Variants in SLC14A2 observed in about 807,000 individuals in gnomAD.
SLC14A2 encodes solute carrier family 14 member 2, also known as urea transporter 2.
In SLC14A2, 91 loss-of-function variants were observed where a neutral mutation model predicts 104.6. The observed-to-expected ratio is 0.87, with a 90% CI of 0.73 to 1.04. The LOEUF (loss-of-function observed/expected upper bound fraction) is 1.04, where lower values mean the gene tolerates loss of function less well. SLC14A2 is among the 50% of genes least tolerant of loss of function. The pLI is 0.00. For missense variants in SLC14A2, 1,189 were observed against 1,156.0 expected, an observed-to-expected ratio of 1.03 and a Z score of -0.41; for synonymous variants, 476 against 466.4, an observed-to-expected ratio of 1.02 and a Z score of -0.27.
intron 11 of SLC14A2, 87 bp downstream of exon 11, chr18:45,663,994 G>A: frequency 7.2e-7 from 1 of 1,383,792 alleles, no homozygotes; most frequent in Non-Finnish European, 9.7e-7. Context: ...ACTTCACAGG[G>A]TGGTGGGGAG....
the SLC14A2 span, among the ~76,000 whole-genome samples, chr18:45,198,355 T>C: frequency 6.6e-6 from 1 of 152,154 alleles, no homozygotes. Flanking sequence ...ACTCAACCAC[T>C]ATCATGAGTT....
At chr18:45,338,696 A>AAAAAAAAAC (rs1568158052) in intron 1 of SLC14A2, among the ~76,000 whole-genome samples, 2 of 116,326 alleles carry the variant, frequency 1.7e-5, no homozygotes, top group African/African-American at 5.7e-5. Flanking sequence ...AAAAAAAAAA[A>AAAAAAAAAC]AAAAAAAAAA....
intron 2 of SLC14A2, chr18:45,529,619 C>T (rs1742827950): frequency 6.6e-6 from 1 of 151,882 alleles, no homozygotes; most frequent in African/African-American, 2.4e-5. Context: ...GCCTTTCGAT[C>T]TTTAGTCCTG....
chr18:45,537,617 G>T (rs1210246216), intron 2 of SLC14A2, among the ~76,000 whole-genome samples: 2 of 152,156 alleles, frequency 1.3e-5, no homozygotes, highest in Non-Finnish European at 2.9e-5. Context: ...CCTTTTTTCT[G>T]TGAAATGAGG....
In SLC14A2 at chr18:45,236,217, GTA is replaced by G. The variant is rs1321087497; in HGVS notation, c.-125+23032_-125+23033del. Reference sequence around the variant, plus strand: ...TATGTGTATATATACATATATGTGTGTATATATGTGTATATATACATATATGT... The same window carrying G: ...TATGTGTATATATACATATATGTGTGTATATGTGTATATATACATATATGT... On this transcript the variant is annotated intron_variant, in intron 1 of 20. Transcript: ENST00000586448. Among the ~76,000 whole-genome samples, 501 of 50,190 alleles carry G rather than the reference GTA, an allele frequency of 1.0e-2. 75 individuals carry two copies. Among genetic ancestry groups the G allele is most frequent in the Non-Finnish European group, 0.014 (397 of 28,102 alleles). 32.9% of individuals were successfully genotyped at this position (50,190 alleles called of 152,430 possible).
chr18:45,673,621 G>A, intron 17 of SLC14A2, 62 bp from the exon 18 acceptor site: 2 of 1,572,912 alleles, frequency 1.3e-6, no homozygotes, highest in Non-Finnish European at 1.7e-6. Flanking sequence ...GTAGGTTTCA[G>A]GGCCAGCAGA....
Position 45,648,227 on chromosome 18 carries a change from A to T in SLC14A2, c.1351+4067A>T, listed in dbSNP as rs758218031. On this transcript the variant is annotated intron_variant, in intron 10 of 19. Transcript: ENST00000255226. Reference sequence around the variant, plus strand: ...TTTTTTTTTTTTTTTTTTTTTTGAGATGGAGTCTCACTCTATCGCCCAGGC... The same window carrying T: ...TTTTTTTTTTTTTTTTTTTTTTGAGTTGGAGTCTCACTCTATCGCCCAGGC... 3.5e-3 allele frequency among the ~76,000 whole-genome samples: 309 copies of T among 88,922 alleles called. 1 individual carries two copies. The highest frequency in any genetic ancestry group is 0.012 in the African/African-American group (228 of 19,442). 58.3% of individuals were successfully genotyped at this position (88,922 alleles called of 152,430 possible).
chr18:45,359,970 A>G (rs968547365), intron 1 of SLC14A2, among the ~76,000 whole-genome samples: 2 of 152,146 alleles, frequency 1.3e-5, no homozygotes, highest in African/African-American at 4.8e-5. Context: ...TCTCCACTCA[A>G]AATCTTTGCC....
At chr18:45,546,954 AAC>A (rs2144871225) in intron 2 of SLC14A2, among the ~76,000 whole-genome samples, 1 of 152,296 alleles carries the variant, frequency 6.6e-6, no homozygotes, top group African/African-American at 2.4e-5. Flanking sequence ...AGGCATAGGA[AAC>A]ACATAATCAA....
At chr18:45,178,064 G>A in the SLC14A2 span, among the ~76,000 whole-genome samples, 2 of 152,132 alleles carry the variant, frequency 1.3e-5, no homozygotes, top group Admixed American at 6.6e-5. Context: ...GTAGAGAGAA[G>A]AACCACAGGT....
chr18:45,651,401 C>T (rs1220038332), intron 10 of SLC14A2, among the ~76,000 whole-genome samples: 3 of 152,044 alleles, frequency 2.0e-5, no homozygotes, highest in East Asian at 1.9e-4. Context: ...GAGCTGCAGC[C>T]GTGTGTGTCT....
At chr18:45,584,886 G>T (rs1329231374) in intron 2 of SLC14A2, among the ~76,000 whole-genome samples, 1 of 152,370 alleles carries the variant, frequency 6.6e-6, no homozygotes, top group East Asian at 1.9e-4. Flanking sequence ...ATCTTGAGAT[G>T]AAACGCAGCA....
chr18:45,541,003 A>C (rs1214513529), intron 2 of SLC14A2, among the ~76,000 whole-genome samples: 1 of 152,144 alleles, frequency 6.6e-6, no homozygotes, highest in Non-Finnish European at 1.5e-5. Flanking sequence ...ACAAGGAGGA[A>C]TGTCTTATTT....
At chr18:45,371,515 C>T (rs1005254855) in intron 1 of SLC14A2, among the ~76,000 whole-genome samples, 1 of 152,120 alleles carries the variant, frequency 6.6e-6, no homozygotes, top group Non-Finnish European at 1.5e-5. Context: ...TCATTCAATC[C>T]TTTTGCAGAG....
At chr18:45,583,306 G>C (rs1169806875) in intron 2 of SLC14A2, among the ~76,000 whole-genome samples, 1 of 152,132 alleles carries the variant, frequency 6.6e-6, no homozygotes, top group Non-Finnish European at 1.5e-5. Context: ...CATCCTTAAA[G>C]ATCCAGCTCA....
chr18:45,588,751 G>T (rs971117115), intron 2 of SLC14A2, among the ~76,000 whole-genome samples: 1 of 152,158 alleles, frequency 6.6e-6, no homozygotes, highest in Non-Finnish European at 1.5e-5. Flanking sequence ...TACGATAAAA[G>T]CATTAGAGGG....
Position 45,679,034 on chromosome 18 carries a change from C to T in SLC14A2, c.2562+10C>T, listed in dbSNP as rs2046273425. On this transcript the variant is annotated intron_variant, in intron 19 of 19. Coordinates refer to ENST00000255226, the MANE Select transcript of SLC14A2 (RefSeq NM_007163.4). ...TAACATGTTATCTGTGGTGAGTCAA[C>T]ACAGGCTCAGAACGTGCCTACAACA... 3.1e-6 allele frequency: 5 copies of T among 1,608,108 alleles called. No homozygotes were observed. The highest frequency in any genetic ancestry group is 1.3e-5 in the African/African-American group (1 of 74,244).
intron 1 of SLC14A2, among the ~76,000 whole-genome samples, chr18:45,238,378 G>A (rs1055604035): frequency 4.6e-5 from 7 of 152,168 alleles, no homozygotes; most frequent in East Asian, 1.9e-4. Flanking sequence ...CTGAGAGAGC[G>A]GTTAGAGTGT....
At chr18:45,205,585 C>T in the SLC14A2 span, among the ~76,000 whole-genome samples, 20 of 152,104 alleles carry the variant, frequency 1.3e-4, no homozygotes, top group African/African-American at 3.6e-4. Context: ...AAAAATAGAT[C>T]GGGTAGATGC....
Sources: allele counts gnomAD v4.1 joint callset (sites outside exome capture counted in the v4.1 genomes callset), GRCh38; gene constraint gnomAD v4.1.1; transcripts MANE v1.5; gene names NCBI Gene and HGNC (gene_info 2026-07-23, HGNC 2026-07-21).